The following KDM2A variants were observed in gnomAD, a reference collection of about 807,000 sequenced individuals.
The protein encoded by KDM2A is lysine demethylase 2A.
A neutral mutation model predicts 137.3 loss-of-function variants in KDM2A; 3 were observed. The ratio of observed to expected loss-of-function variants is 0.02; its 90% CI spans 0.01 to 0.06. KDM2A has a LOEUF of 0.06. Ranked by LOEUF, KDM2A falls within the 10% of genes least tolerant of loss-of-function variation. The pLI is 1.00. For missense variants in KDM2A, 738 were observed against 1,510.6 expected (o/e 0.49, Z 8.48); for synonymous variants, 512 against 541.5 (o/e 0.95, Z 0.76).
In KDM2A at chr11:67,226,679, G is replaced by A. The variant is rs938945391; in HGVS notation, c.958-1358G>A. The stretch of plus-strand genomic sequence containing the variant: ...GGAGCTTGCAGTGAGCCGAGATCGC[G>A]CCACTGCACTCCAGCCTGGGCAACA... On this transcript the variant is annotated intron_variant, in intron 10 of 20. Transcript: ENST00000529006. Among the ~76,000 whole-genome samples the A allele has an allele frequency of 4.6e-5, 7 of 152,078 alleles. No individual in the cohort carries two copies. The Middle Eastern group carries it at 0.01, about 222-fold the overall frequency.
intron 12 of KDM2A, among the ~76,000 whole-genome samples, chr11:67,242,139 G>T (rs927399831): frequency 6.6e-6 from 1 of 152,144 alleles, no homozygotes; most frequent in Admixed American, 6.6e-5. Flanking sequence ...ATTCACTTAA[G>T]TGGCATTTTC....
rs141788520 is a variant in KDM2A at position 67,135,380 on chromosome 11, ACT to A, written c.42+14027_42+14028del. 1.2e-3 allele frequency among the ~76,000 whole-genome samples: 182 copies of A among 152,096 alleles called. 1 individual carries two copies. The highest frequency in any genetic ancestry group is 4.2e-3 in the African/African-American group (173 of 41,498). On this transcript the variant is annotated intron_variant, in intron 2 of 20. Transcript: ENST00000529006. The stretch of plus-strand genomic sequence containing the variant: ...CGCCCAGCACAGATTTCCTTTTGAT[ACT>A]CTCTTTGAAGGATAGGGAAATGAGA...
At chr11:67,181,249 A>G (rs917591873) in intron 3 of KDM2A, 71 bp from the exon 4 acceptor site, 1 of 940,250 alleles carries the variant, frequency 1.1e-6, no homozygotes, top group Non-Finnish European at 1.7e-6. Context: ...ATTACTTAGG[A>G]TCCTTTTTAT....
intron 11 of KDM2A, 40 bp downstream of exon 11, chr11:67,228,203 A>G (rs540369142): frequency 6.2e-7 from 1 of 1,603,432 alleles, no homozygotes. Flanking sequence ...GACACCGCTT[A>G]GGTCTGAGGG....
intron 2 of KDM2A, among the ~76,000 whole-genome samples, chr11:67,140,081 T>C (rs1856062724): frequency 6.6e-6 from 1 of 151,958 alleles, no homozygotes; most frequent in South Asian, 2.1e-4. Context: ...GGTTTGTGGA[T>C]TGGGTACGGT....
chr11:67,199,020 T>G (rs1429589921), intron 5 of KDM2A, among the ~76,000 whole-genome samples: 1 of 152,040 alleles, frequency 6.6e-6, no homozygotes, highest in Non-Finnish European at 1.5e-5. Context: ...CTCAAGTGAT[T>G]CACCCGCCTT....
At chr11:67,206,731 C>T (rs943530932) in intron 5 of KDM2A, among the ~76,000 whole-genome samples, 4 of 152,192 alleles carry the variant, frequency 2.6e-5, no homozygotes, top group South Asian at 4.1e-4. Flanking sequence ...AGCGAGACTC[C>T]GTCTCTAAAA....
In KDM2A at chr11:67,228,168, G is replaced by A; in HGVS notation, c.1084+5G>A. The A allele has an allele frequency of 6.2e-7, 1 of 1,613,866 alleles. No homozygotes were observed. Among genetic ancestry groups the A allele is most frequent in the Non-Finnish European group, 8.5e-7 (1 of 1,179,794 alleles). On this transcript the variant is annotated splice_donor_5th_base_variant and intron_variant, in intron 11 of 20. Transcript: ENST00000529006. ...AGAAAGAGTCCCTCAGCATGGGTAAGTATTCTGCCTATAGGAGCTTTGAAG... is the reference window on the plus strand; with the variant it reads ...AGAAAGAGTCCCTCAGCATGGGTAAATATTCTGCCTATAGGAGCTTTGAAG...
chr11:67,208,848 A>C (rs1405273131), intron 6 of KDM2A, among the ~76,000 whole-genome samples: 1 of 152,000 alleles, frequency 6.6e-6, no homozygotes, highest in South Asian at 2.1e-4. Context: ...AGAGGCTAAG[A>C]CAGGAGAATT....
Position 67,254,807 on chromosome 11 carries a change from A to T in KDM2A, c.3308-67A>T. On this transcript the variant is annotated intron_variant, in intron 20 of 20. Coordinates refer to ENST00000529006, the MANE Select transcript of KDM2A (RefSeq NM_012308.3). This position sits in a 1 kb window ranked among gnomAD's most constrained non-coding sequence, Gnocchi z 4.7. Reference sequence around the variant, plus strand: ...AGCATTTTGAAGGAAAGACGGCTACAGGAATTGAATGGCAGAGGAAAGCTG... The same window carrying T: ...AGCATTTTGAAGGAAAGACGGCTACTGGAATTGAATGGCAGAGGAAAGCTG... The T allele has an allele frequency of 1.4e-6, 2 of 1,414,150 alleles. No homozygotes were observed. The allele number at this position is 1,414,150 out of a possible 1,614,324, so 87.6% of individuals were successfully genotyped here. A position where few individuals can be genotyped will look rare whatever the true frequency, so the allele number is the denominator to read the frequency against.
At position 67,193,651 on chromosome 11, in the gene KDM2A, G is replaced by A. The variant is rs541952424; in HGVS notation, c.307+11759G>A. Among the ~76,000 whole-genome samples the A allele has an allele frequency of 2.0e-5, 3 of 151,892 alleles. No individual in the cohort carries two copies. The South Asian group carries it at 6.3e-4, about 32-fold the overall frequency. ...TGAGGCAGACAGATCACCTGAGGTC[G>A]GGAGTTCGAGACCAGCCTGACCAAC... On this transcript the variant is annotated intron_variant, in intron 5 of 20. Coordinates refer to ENST00000529006, the MANE Select transcript of KDM2A (RefSeq NM_012308.3).
intron 10 of KDM2A, among the ~76,000 whole-genome samples, chr11:67,226,877 G>A (rs1858563075): frequency 6.6e-6 from 1 of 151,938 alleles, no homozygotes; most frequent in African/African-American, 2.4e-5. Context: ...TTGTAATCTC[G>A]GCTACTGGGG....
intron 6 of KDM2A, among the ~76,000 whole-genome samples, chr11:67,214,985 C>T (rs2136394110): frequency 6.6e-6 from 1 of 152,000 alleles, no homozygotes; most frequent in African/African-American, 2.4e-5. Context: ...TTATAGATAC[C>T]TTCCAGACAA....
intron 2 of KDM2A, among the ~76,000 whole-genome samples, chr11:67,145,416 G>A (rs1203394952): frequency 6.6e-6 from 1 of 151,856 alleles, no homozygotes; most frequent in African/African-American, 2.4e-5. Flanking sequence ...CTTGAACCCG[G>A]GAGGTGTAGG....
At chr11:67,189,074 A>G (rs1857280181) in intron 5 of KDM2A, among the ~76,000 whole-genome samples, 1 of 152,192 alleles carries the variant, frequency 6.6e-6, no homozygotes, top group Non-Finnish European at 1.5e-5. Context: ...GATCTCACAG[A>G]CACAGACAGA....
At chr11:67,153,588 A>G (rs936061989) in intron 2 of KDM2A, among the ~76,000 whole-genome samples, 1 of 152,178 alleles carries the variant, frequency 6.6e-6, no homozygotes, top group Non-Finnish European at 1.5e-5. Flanking sequence ...TCTCATGTTC[A>G]TAATCCCAGC....
rs1859176773 is a variant in KDM2A, at chr11:67,245,494, G to A, written c.1833+36G>A. On this transcript the variant is annotated intron_variant, in intron 14 of 20. Coordinates refer to ENST00000529006, the MANE Select transcript of KDM2A (RefSeq NM_012308.3). The surrounding 1 kb of genome is among the most constrained non-coding windows in gnomAD (Gnocchi z 4.1). The stretch of plus-strand genomic sequence containing the variant: ...TGCTGGGTAAAGAATTTTGGGGAGG[G>A]GTGGCAGTGCCAAAGGAACTGAAAT... The A allele has an allele frequency of 1.2e-6, 2 of 1,607,090 alleles. No individual in the cohort carries two copies. The highest frequency in any genetic ancestry group is 3.3e-5 in the Admixed American group (2 of 59,812).
At chr11:67,185,518 A>G (rs144180132) in intron 5 of KDM2A, among the ~76,000 whole-genome samples, 184 of 152,028 alleles carry the variant, frequency 1.2e-3, no homozygotes, top group African/African-American at 4.1e-3. Flanking sequence ...AATCCCAGCT[A>G]CTTGGGAGGG....
At chr11:67,142,409 G>A (rs1035336330) in intron 2 of KDM2A, among the ~76,000 whole-genome samples, 20 of 150,846 alleles carry the variant, frequency 1.3e-4, no homozygotes, top group African/African-American at 4.8e-4. Flanking sequence ...CCAGCACTTT[G>A]GGAGGCCAAG....
Sources: gnomAD v4.1 joint callset for allele counts (sites outside exome capture counted in the v4.1 genomes callset) on GRCh38, gnomAD v4.1.1 for gene constraint, Gnocchi (gnomAD v3.1) non-coding constraint, MANE v1.5 for transcripts, NCBI Gene and HGNC (gene_info 2026-07-23, HGNC 2026-07-21) for gene names.